PSMD12: variants seen among roughly 807,000 people sequenced by gnomAD.
The protein encoded by PSMD12 is 26S proteasome non-ATPase regulatory subunit 12.
In PSMD12, 8 loss-of-function variants were observed where a neutral mutation model predicts 62.9. The ratio of observed to expected loss-of-function variants is 0.13; its 90% CI spans 0.07 to 0.23. The LOEUF (loss-of-function observed/expected upper bound fraction) is 0.23, where lower values mean the gene tolerates loss of function less well. PSMD12 is among the 10% of genes least tolerant of loss of function. The pLI is 1.00. For missense variants in PSMD12, 424 were observed against 550.2 expected, an observed-to-expected ratio of 0.77 and a Z score of 2.29; for synonymous variants, 173 against 187.4, an observed-to-expected ratio of 0.92 and a Z score of 0.63.
At chr17:67,363,061 A>C (rs2042147961) in intron 1 of PSMD12, among the ~76,000 whole-genome samples, 1 of 152,248 alleles carries the variant, frequency 6.6e-6, no homozygotes, top group African/African-American at 2.4e-5. Flanking sequence ...TACATTTGGC[A>C]ATTTTACAAA....
chr17:67,363,298 C>A (rs927857804), intron 1 of PSMD12, among the ~76,000 whole-genome samples: 1 of 152,116 alleles, frequency 6.6e-6, no homozygotes, highest in Admixed American at 6.6e-5. Flanking sequence ...ACAACAGGTG[C>A]GTACCACAAC....
chr17:67,352,119 GCCT>G (rs2042024601), intron 3 of PSMD12, among the ~76,000 whole-genome samples: 1 of 151,662 alleles, frequency 6.6e-6, no homozygotes. Context: ...AAGAGATGGG[GCCT>G]CATTTTGTCA....
intron 3 of PSMD12, among the ~76,000 whole-genome samples, chr17:67,356,619 A>T (rs1255738890): frequency 6.6e-6 from 1 of 150,812 alleles, no homozygotes; most frequent in East Asian, 1.9e-4. Flanking sequence ...ACTAAAAAAA[A>T]ATTTTGAAAC....
chr17:67,365,220 C>CA (rs531867163), intron 1 of PSMD12, among the ~76,000 whole-genome samples: 178 of 150,378 alleles, frequency 1.2e-3, no homozygotes, highest in African/African-American at 4.0e-3. Flanking sequence ...GTTTTCACTA[C>CA]AATAGGCTTC....
chr17:67,351,321 G>A (rs1204035975), intron 3 of PSMD12, among the ~76,000 whole-genome samples: 2 of 151,708 alleles, frequency 1.3e-5, no homozygotes, highest in Non-Finnish European at 2.9e-5. Flanking sequence ...GAACCCGGGA[G>A]GCGGAGCTTG....
chr17:67,352,080 C>CA (rs566803266), intron 3 of PSMD12, among the ~76,000 whole-genome samples: 1,547 of 107,604 alleles, frequency 0.014, 10 homozygotes, highest in African/African-American at 0.023. Flanking sequence ...GAATCTCTCT[C>CA]AAAAAAAAAA....
chr17:67,357,084 G>C, intron 3 of PSMD12: 2 of 482,242 alleles, frequency 4.1e-6, no homozygotes, highest in Non-Finnish European at 7.1e-6. Context: ...AACACTCTAA[G>C]TACAACACAA....
At chr17:67,353,848 C>G (rs1488530769) in intron 3 of PSMD12, among the ~76,000 whole-genome samples, 1 of 152,156 alleles carries the variant, frequency 6.6e-6, no homozygotes, top group East Asian at 1.9e-4. Flanking sequence ...CTCCAAGAAG[C>G]CTTCCCCAAT....
intron 8 of PSMD12, 156 bp downstream of exon 8, chr17:67,345,589 C>T: frequency 1.6e-6 from 1 of 616,320 alleles, no homozygotes; most frequent in South Asian, 2.0e-5. Flanking sequence ...TTGCAGTGAG[C>T]TGAGATTACA....
intron 3 of PSMD12, chr17:67,355,423 C>G (rs1377351242): frequency 6.6e-6 from 1 of 151,976 alleles, no homozygotes; most frequent in Non-Finnish European, 1.5e-5. Context: ...GTAAACTTAC[C>G]TAAAGAAAAA....
chr17:67,354,448 C>A lies in PSMD12; in HGVS notation c.297+2855G>T, dbSNP rs146888012. Among the ~76,000 whole-genome samples, 1,129 of 152,048 alleles carry A rather than the reference C, an allele frequency of 7.4e-3. 13 individuals carry two copies. Among genetic ancestry groups the A allele is most frequent in the Middle Eastern group, 0.02 (6 of 294 alleles). The stretch of plus-strand genomic sequence containing the variant: ...AAAAAAGTAAGCGTTAAGCAACACC[C>A]CCTACTAGCTCTGAGTTTTTATGGC... On this transcript the variant is annotated intron_variant, in intron 3 of 10. Transcript: ENST00000356126.
At chr17:67,348,494 T>C (rs1221001110) in intron 5 of PSMD12, 56 bp downstream of exon 5, 10 of 1,392,174 alleles carry the variant, frequency 7.2e-6, no homozygotes, top group Non-Finnish European at 1.0e-5. Flanking sequence ...ATATTTCCAT[T>C]AGAAAATGCT....
chr17:67,364,292 T>A (rs913620541), intron 1 of PSMD12, among the ~76,000 whole-genome samples: 1 of 152,172 alleles, frequency 6.6e-6, no homozygotes, highest in African/African-American at 2.4e-5. Flanking sequence ...TTCTTTTTTT[T>A]AAACACTTCT....
chr17:67,354,015 C>T (rs113784523), intron 3 of PSMD12, among the ~76,000 whole-genome samples: 3 of 152,190 alleles, frequency 2.0e-5, no homozygotes, highest in Non-Finnish European at 4.4e-5. Flanking sequence ...GACTTACATA[C>T]GTTACTAACC....
rs1221537109 is a variant in PSMD12 at position 67,347,249 on chromosome 17, T to G, written c.662A>C (p.Lys221Thr). Residue 221 changes from lysine to threonine, a missense_variant and splice_region_variant, in exon 7 of 11, where the codon AAA becomes ACA. Transcript: ENST00000356126. ...TKFFQEENTE[K>T]LKLKYYNLMI... ...TAAATTATAGTACTTCAACTTTAAT[T>G]TCTGCAAAAAAGTTGACAAAACAAA... The G allele has an allele frequency of 6.8e-6, 11 of 1,612,760 alleles. No individual in the cohort carries two copies. The highest frequency in any genetic ancestry group is 9.3e-6 in the Non-Finnish European group (11 of 1,179,652).
chr17:67,346,312 G>A (rs1442206031), intron 7 of PSMD12, among the ~76,000 whole-genome samples: 1 of 151,684 alleles, frequency 6.6e-6, no homozygotes, highest in East Asian at 1.9e-4. Context: ...GGAGAATGGT[G>A]TGAACCTGGG....
Position 67,344,697 on chromosome 17 carries a change from C to G in PSMD12, c.992G>C (p.Gly331Ala), listed in dbSNP as rs746524285. 9.9e-6 allele frequency: 16 copies of G among 1,613,694 alleles called. No individual in the cohort carries two copies. Among genetic ancestry groups the G allele is most frequent in the Admixed American group, 3.3e-5 (2 of 59,978 alleles). The change falls in exon 9 of 11, where the codon GGT becomes GCT. Residue 331 changes from glycine (G) to alanine (A), a missense_variant. Coordinates refer to ENST00000356126, the MANE Select transcript of PSMD12 (RefSeq NM_002816.5). ...ATCCGTTGCAGGACTCTCAAGGGAA[C>G]CTTTTCTTAATTCCATTCCATAGTC... ...VEDYGMELRK[G>A]SLESPATDVF...
chr17:67,350,178 T>C (rs1200859027), intron 4 of PSMD12, 51 bp downstream of exon 4: 1 of 1,241,050 alleles, frequency 8.1e-7, no homozygotes, highest in Non-Finnish European at 1.1e-6. Context: ...TATCTCTGAA[T>C]ACAGAAAAAA....
chr17:67,342,917 C>T (rs560729502), intron 9 of PSMD12, among the ~76,000 whole-genome samples: 2 of 143,166 alleles, frequency 1.4e-5, no homozygotes, highest in East Asian at 4.1e-4. Flanking sequence ...GTCTGGATGA[C>T]AGAGCTACAC....
Sources: gnomAD v4.1 joint callset for allele counts (sites outside exome capture counted in the v4.1 genomes callset) on GRCh38, gnomAD v4.1.1 for gene constraint, MANE v1.5 for transcripts, NCBI Gene and HGNC (gene_info 2026-07-23, HGNC 2026-07-21) for gene names.